CHN2: variants seen among roughly 807,000 people sequenced by gnomAD.
The protein encoded by CHN2 is chimerin 2, also known as beta-chimaerin.
In CHN2, 35 loss-of-function variants were observed where a neutral mutation model predicts 56.3. The ratio of observed to expected loss-of-function variants is 0.62; its 90% CI spans 0.47 to 0.82. The LOEUF (loss-of-function observed/expected upper bound fraction) is 0.82. Among genes scored for constraint, CHN2 ranks in the 40% least tolerant of loss-of-function variants. The pLI is 0.00. For missense variants in CHN2, 491 were observed against 580.5 expected (o/e 0.85, Z 1.58); for synonymous variants, 210 against 212.8 (o/e 0.99, Z 0.12).
At chr7:29,445,697 GT>G (rs929093859) in intron 6 of CHN2, among the ~76,000 whole-genome samples, 9 of 149,992 alleles carry the variant, frequency 6.0e-5, no homozygotes, top group African/African-American at 2.0e-4. Flanking sequence ...GGGGGTTCTT[GT>G]TTTTTTTTCT....
chr7:29,314,869 TTA>T (rs1010026345), intron 1 of CHN2, among the ~76,000 whole-genome samples: 3 of 150,530 alleles, frequency 2.0e-5, no homozygotes, highest in African/African-American at 4.9e-5. Context: ...TATATTTGTT[TTA>T]TATATATATA....
intron 3 of CHN2, among the ~76,000 whole-genome samples, chr7:29,384,144 G>A (rs1281953618): frequency 1.3e-5 from 2 of 152,144 alleles, no homozygotes; most frequent in African/African-American, 4.8e-5. Context: ...GGTGTGATGA[G>A]TGTGATGAGT....
chr7:29,306,664 T>C (rs39114), intron 1 of CHN2, among the ~76,000 whole-genome samples: 136,910 of 152,274 alleles, frequency 0.9, 61,687 homozygotes, highest in East Asian at 1. Context: ...AATCTTGTGT[T>C]CAAGGTGATT....
chr7:29,389,216 A>G (rs10253637), intron 3 of CHN2, among the ~76,000 whole-genome samples: 99,851 of 151,812 alleles, frequency 0.66, 37,402 homozygotes, highest in East Asian at 0.84. Context: ...GCAAGTCACA[A>G]TGAAAATCTT....
chr7:29,455,333 A>C (rs1179616898), intron 6 of CHN2, among the ~76,000 whole-genome samples: 2 of 152,208 alleles, frequency 1.3e-5, no homozygotes, highest in Non-Finnish European at 2.9e-5. Flanking sequence ...CAGATGCTAC[A>C]GCTTTGAAAA....
chr7:29,480,397 C>A (rs1417695305), intron 7 of CHN2, 41 bp downstream of exon 7: 1 of 1,583,974 alleles, frequency 6.3e-7, no homozygotes, highest in Admixed American at 1.7e-5. Context: ...TACAAAAGGG[C>A]AGGTGGAAAG....
At chr7:29,329,931 ACTGT>A (rs1487028547) in intron 1 of CHN2, among the ~76,000 whole-genome samples, 1 of 152,162 alleles carries the variant, frequency 6.6e-6, no homozygotes, top group African/African-American at 2.4e-5. Flanking sequence ...CAGAGCTCTC[ACTGT>A]CTGGACTATT....
At chr7:29,312,854 T>C (rs1415903783) in intron 1 of CHN2, among the ~76,000 whole-genome samples, 3 of 152,138 alleles carry the variant, frequency 2.0e-5, no homozygotes, top group African/African-American at 4.8e-5. Context: ...AAATACCAGC[T>C]TAAAATATAC....
At chr7:29,243,926 A>T (rs766472621) in intron 1 of CHN2, among the ~76,000 whole-genome samples, 18 of 152,252 alleles carry the variant, frequency 1.2e-4, no homozygotes, top group Non-Finnish European at 7.3e-5. Flanking sequence ...CGATCTGAAC[A>T]TTCAGTGCCT....
chr7:29,338,151 A>G lies in CHN2; in HGVS notation c.50-16474A>G, dbSNP rs148113921. ...TGTGACATAAATGAGTTTGATTGCTATGATAAAATATGGTAGGTCAGTCTT... is the reference window on the plus strand; with the variant it reads ...TGTGACATAAATGAGTTTGATTGCTGTGATAAAATATGGTAGGTCAGTCTT... On this transcript the variant is annotated intron_variant, in intron 1 of 12. Transcript: ENST00000222792. Among the ~76,000 whole-genome samples, 13 of 152,342 alleles carry G rather than the reference A, an allele frequency of 8.5e-5. No individual in the cohort carries two copies. The East Asian group carries it at 2.5e-3, about 29-fold the overall frequency.
intron 2 of CHN2, among the ~76,000 whole-genome samples, chr7:29,359,597 T>G (rs1208292866): frequency 2.6e-5 from 4 of 152,162 alleles, no homozygotes; most frequent in Non-Finnish European, 5.9e-5. Flanking sequence ...CTGAGCTGTT[T>G]CCATAAAATA....
At chr7:29,468,326 C>G (rs759249258) in intron 6 of CHN2, among the ~76,000 whole-genome samples, 7 of 152,054 alleles carry the variant, frequency 4.6e-5, no homozygotes, top group Non-Finnish European at 1.0e-4. Flanking sequence ...GCTCAGCGTT[C>G]TGTGGTGGTT....
chr7:29,211,819 T>C (rs1784981362), intron 1 of CHN2, among the ~76,000 whole-genome samples: 1 of 151,840 alleles, frequency 6.6e-6, no homozygotes, highest in Admixed American at 6.6e-5. Context: ...GTAGCACTAT[T>C]TTATTGAATG....
chr7:29,435,510 A>G lies in CHN2; in HGVS notation c.576+34682A>G, dbSNP rs575818693. Among the ~76,000 whole-genome samples, 7 of 152,318 alleles carry G rather than the reference A, an allele frequency of 4.6e-5. No individual in the cohort carries two copies. In the South Asian group the frequency reaches 1.2e-3, roughly 27 times the overall value. On this transcript the variant is annotated intron_variant, in intron 6 of 12. Coordinates refer to ENST00000222792, the MANE Select transcript of CHN2 (RefSeq NM_004067.4). ...ATACCTTGGCTGTATGGTGTGGCCT[A>G]TTGCTCCTAGGCTACAAACCTGTGC...
At chr7:29,265,313 A>G (rs1197288403) in intron 1 of CHN2, among the ~76,000 whole-genome samples, 3 of 152,004 alleles carry the variant, frequency 2.0e-5, no homozygotes, top group Non-Finnish European at 4.4e-5. Context: ...CTCTCTGATT[A>G]CTCATTGGAT....
At chr7:29,280,388 A>G (rs972051674) in intron 1 of CHN2, among the ~76,000 whole-genome samples, 2 of 151,626 alleles carry the variant, frequency 1.3e-5, no homozygotes, top group African/African-American at 4.8e-5. Flanking sequence ...CGTCTCATAA[A>G]TAAATAAATA....
intron 8 of CHN2, 105 bp downstream of exon 8, chr7:29,496,141 T>A: frequency 1.1e-6 from 1 of 876,258 alleles, no homozygotes; most frequent in Admixed American, 3.1e-5. Context: ...AGCTCAAAAG[T>A]CTAGCCTTCT....
intron 6 of CHN2, among the ~76,000 whole-genome samples, chr7:29,473,482 T>TTTTTGTGTGTG (rs539151442): frequency 6.8e-5 from 8 of 118,196 alleles, no homozygotes; most frequent in South Asian, 2.9e-4. Context: ...TTTTTTTTTT[T>TTTTTGTGTGTG]TGTGTGTGTG....
chr7:29,220,909 A>T (rs1331012037), intron 1 of CHN2, among the ~76,000 whole-genome samples: 1 of 152,204 alleles, frequency 6.6e-6, no homozygotes, highest in African/African-American at 2.4e-5. Flanking sequence ...GTTCAGGGAT[A>T]TGTAAAAGAA....
Sources: allele counts gnomAD v4.1 joint callset (sites outside exome capture counted in the v4.1 genomes callset), GRCh38; gene constraint gnomAD v4.1.1; transcripts MANE v1.5; gene names NCBI Gene and HGNC (gene_info 2026-07-23, HGNC 2026-07-21).